Variants in RHOBTB3 observed in about 807,000 individuals in gnomAD.
RHOBTB3 encodes rho-related BTB domain-containing protein 3.
RHOBTB3 carries 47 observed loss-of-function variants against 67.2 expected under a neutral mutation model. That is an observed-to-expected ratio of 0.70 (90% confidence interval 0.55 to 0.89). RHOBTB3 has a LOEUF of 0.89. Among genes scored for constraint, RHOBTB3 ranks in the 40% least tolerant of loss-of-function variants. The pLI is 0.00. For missense variants in RHOBTB3, 631 were observed against 750.0 expected, an observed-to-expected ratio of 0.84 and a Z score of 1.85; for synonymous variants, 273 against 274.2, an observed-to-expected ratio of 1.00 and a Z score of 0.04.
intron 4 of RHOBTB3, among the ~76,000 whole-genome samples, chr5:95,751,899 G>A (rs1434722591): frequency 2.6e-5 from 4 of 152,144 alleles, no homozygotes; most frequent in African/African-American, 9.7e-5. Context: ...GTATTCCATC[G>A]TGTATATGCG....
At chr5:95,748,279 CT>C (rs1364946991) in intron 3 of RHOBTB3, 53 bp from the exon 4 acceptor site, 120 of 1,384,810 alleles carry the variant, frequency 8.7e-5, no homozygotes, top group South Asian at 1.5e-4. Flanking sequence ...GTCTGTGTAC[CT>C]TTTTTTTCCT....
At chr5:95,735,208 C>T (rs1755425005) in intron 2 of RHOBTB3, among the ~76,000 whole-genome samples, 1 of 151,674 alleles carries the variant, frequency 6.6e-6, no homozygotes, top group Admixed American at 6.6e-5. Context: ...CCCCTTGCAC[C>T]CTCTACCAAG....
rs1338656582 is a variant in RHOBTB3 at position 95,747,422 on chromosome 5, G to A, written c.416-911G>A. On this transcript the variant is annotated intron_variant, in intron 3 of 11. Transcript: ENST00000379982. Reference sequence around the variant, plus strand: ...TTCATCTTAGAGTCTGCCTCCCCACGGGAAGCCAATCTACAACAACATGCA... The same window carrying A: ...TTCATCTTAGAGTCTGCCTCCCCACAGGAAGCCAATCTACAACAACATGCA... 3.3e-5 allele frequency among the ~76,000 whole-genome samples: 5 copies of A among 152,232 alleles called. No homozygotes were observed. In the East Asian group the frequency reaches 7.7e-4, roughly 24 times the overall value.
chr5:95,790,883 A>G (rs1746362454), intron 11 of RHOBTB3, among the ~76,000 whole-genome samples: 1 of 145,082 alleles, frequency 6.9e-6, no homozygotes, highest in African/African-American at 2.5e-5. Context: ...GTATTTAAAA[A>G]TAACCATATT....
At chr5:95,756,856 C>A (rs1453421047) in intron 6 of RHOBTB3, among the ~76,000 whole-genome samples, 3 of 152,114 alleles carry the variant, frequency 2.0e-5, no homozygotes, top group African/African-American at 7.2e-5. Context: ...TATTTTATTT[C>A]TTTAAAAAAC....
In RHOBTB3 at chr5:95,792,388, G is replaced by GAA. The variant is rs752562205; in HGVS notation, c.1721-658_1721-657dup. Among the ~76,000 whole-genome samples, 23 of 83,690 alleles carry GAA rather than the reference G, an allele frequency of 2.7e-4. No individual in the cohort carries two copies. The East Asian group carries it at 3.4e-3, about 12-fold the overall frequency. The allele number at this position is 83,690 out of a possible 152,430, so 54.9% of individuals were successfully genotyped here. On this transcript the variant is annotated intron_variant, in intron 11 of 11. Coordinates refer to ENST00000379982, the MANE Select transcript of RHOBTB3 (RefSeq NM_014899.4). ...GGCGACAGAGCAAGACTCCGTCTCA[G>GAA]AAAAAAAAAAAAAAGAAAAGAAAAG...
At chr5:95,782,548 C>G (rs1746082091) in intron 9 of RHOBTB3, 1 of 152,302 alleles carries the variant, frequency 6.6e-6, no homozygotes, top group Non-Finnish European at 1.5e-5. Context: ...GCGGCTCATG[C>G]CTGTAATCCC....
At chr5:95,731,806 A>G in intron 1 of RHOBTB3, 53 bp from the exon 2 acceptor site, 1 of 1,600,632 alleles carries the variant, frequency 6.2e-7, no homozygotes, top group Non-Finnish European at 8.5e-7. Flanking sequence ...CCGAGGAGAG[A>G]CCCGCGCGCT....
chr5:95,752,366 A>G lies in RHOBTB3; in HGVS notation c.682+16A>G. On this transcript the variant is annotated intron_variant, in intron 5 of 11. Transcript: ENST00000379982. ...GAACAACCAGGTGCATTTCTTAGCC[A>G]ATGTCTAGACATTCATTAAACATTC... 6.8e-7 allele frequency: 1 copy of G among 1,460,778 alleles called. No homozygotes were observed. The highest frequency in any genetic ancestry group is 9.6e-7 in the Non-Finnish European group (1 of 1,046,764). 90.5% of individuals were successfully genotyped at this position (1,460,778 alleles called of 1,614,324 possible).
intron 3 of RHOBTB3, among the ~76,000 whole-genome samples, chr5:95,746,185 A>G (rs1262409797): frequency 1.7e-4 from 26 of 152,294 alleles, no homozygotes. Flanking sequence ...CGCACAGTGG[A>G]AAAACCACCC....
intron 1 of RHOBTB3, among the ~76,000 whole-genome samples, chr5:95,718,508 T>C (rs1754756452): frequency 6.6e-6 from 1 of 152,224 alleles, no homozygotes; most frequent in African/African-American, 2.4e-5. Context: ...ACAGAAAACA[T>C]GAGACTGAGG....
At chr5:95,774,025 C>T (rs1481219593) in intron 8 of RHOBTB3, among the ~76,000 whole-genome samples, 1 of 152,148 alleles carries the variant, frequency 6.6e-6, no homozygotes, top group Admixed American at 6.5e-5. Context: ...TTAATTTTTT[C>T]TGATTATGAA....
At chr5:95,749,681 A>G (rs547341872) in intron 4 of RHOBTB3, among the ~76,000 whole-genome samples, 25 of 152,314 alleles carry the variant, frequency 1.6e-4, no homozygotes, top group African/African-American at 2.2e-4. Flanking sequence ...TTCCTAAAAT[A>G]CCTGGGAAGC....
chr5:95,763,416 T>C (rs1745446535), intron 6 of RHOBTB3, 92 bp from the exon 7 acceptor site: 2 of 744,076 alleles, frequency 2.7e-6, no homozygotes, highest in Non-Finnish European at 2.3e-6. Context: ...ATTAAAGCAC[T>C]AAAAAAAGGG....
rs768063175 is a variant in RHOBTB3, at chr5:95,737,014, G to T, written c.354G>T (p.Val118=). The T allele has an allele frequency of 1.9e-6, 3 of 1,605,582 alleles. No homozygotes were observed. The Admixed American group carries it at 5.0e-5, about 27-fold the overall frequency. The change falls in exon 3 of 12, where the codon GTG becomes GTT. Residue 118 remains valine, a synonymous_variant. Transcript: ENST00000379982. ...FHEVKDNYIP[V]IKRALNSVPV... Reference sequence around the variant, plus strand: ...AAGTAAAGGATAATTATATTCCAGTGATAAAAAGAGCATTAAATTCAGTTC... The same window carrying T: ...AAGTAAAGGATAATTATATTCCAGTTATAAAAAGAGCATTAAATTCAGTTC...
chr5:95,782,829 A>G (rs1746096261), intron 9 of RHOBTB3: 1 of 150,620 alleles, frequency 6.6e-6, no homozygotes, highest in Admixed American at 6.6e-5. Flanking sequence ...AAAAAAAAAA[A>G]AAAAAGGTTA....
At chr5:95,759,033 C>T (rs1247128034) in intron 6 of RHOBTB3, among the ~76,000 whole-genome samples, 2 of 152,186 alleles carry the variant, frequency 1.3e-5, no homozygotes, top group African/African-American at 4.8e-5. Flanking sequence ...CTCTCAGTGC[C>T]CTGTGTGTCC....
chr5:95,750,879 T>C (rs192872171), intron 4 of RHOBTB3, among the ~76,000 whole-genome samples: 1 of 152,332 alleles, frequency 6.6e-6, no homozygotes, highest in East Asian at 1.9e-4. Flanking sequence ...GGCTCAGGAA[T>C]TAGGGATCAG....
intron 8 of RHOBTB3, among the ~76,000 whole-genome samples, chr5:95,775,909 C>CT (rs1174699477): frequency 1.3e-5 from 2 of 151,996 alleles, no homozygotes; most frequent in Admixed American, 6.6e-5. Flanking sequence ...TAATTATAAA[C>CT]TTTTTTTAAG....
Sources: gnomAD v4.1 joint callset for allele counts (sites outside exome capture counted in the v4.1 genomes callset) on GRCh38, gnomAD v4.1.1 for gene constraint, MANE v1.5 for transcripts, NCBI Gene and HGNC (gene_info 2026-07-23, HGNC 2026-07-21) for gene names.